Variants in HMGB1 observed in about 807,000 individuals in gnomAD.
HMGB1 encodes the protein high mobility group protein B1.
For missense variants in HMGB1, 79 were observed against 253.5 expected (o/e 0.31, Z 4.67); for synonymous variants, 81 against 84.0 (o/e 0.96, Z 0.19).
intron 3 of HMGB1, among the ~76,000 whole-genome samples, chr13:30,462,984 G>A (rs1384310714): frequency 1.3e-5 from 2 of 152,180 alleles, no homozygotes. Context: ...ATCAAAAGGA[G>A]ATACACTGGG....
intron 1 of HMGB1, among the ~76,000 whole-genome samples, chr13:30,564,769 G>A (rs534736638): frequency 6.6e-6 from 1 of 152,270 alleles, no homozygotes; most frequent in African/African-American, 2.4e-5. Context: ...ATAAACAACT[G>A]TACTCTATGA....
chr13:30,554,037 T>C, intron 1 of HMGB1: 1 of 1,447,888 alleles, frequency 6.9e-7, no homozygotes, highest in Non-Finnish European at 9.7e-7. Flanking sequence ...ATCGGTTAAA[T>C]GTGCGCAGTA....
At chr13:30,472,305 A>T (rs1886963837) in intron 1 of HMGB1, among the ~76,000 whole-genome samples, 1 of 152,132 alleles carries the variant, frequency 6.6e-6, no homozygotes, top group Non-Finnish European at 1.5e-5. Context: ...ACGTAAAAAA[A>T]ATACGACATG....
At chr13:30,505,399 C>T (rs186428049) in intron 1 of HMGB1, among the ~76,000 whole-genome samples, 31 of 151,130 alleles carry the variant, frequency 2.1e-4, no homozygotes, top group Admixed American at 4.6e-4. Context: ...AGGATGGTCT[C>T]CATCTCCTGA....
In HMGB1 at chr13:30,551,898, G is replaced by A. The variant is rs114625584; in HGVS notation, c.-15+64773C>T. ...TTAATATTGTATTTTCTGTAGAGAC[G>A]GGGTCTTGCTCTGTTGCCCAGACTG... is the stretch of plus-strand genomic sequence containing the variant. On this transcript the variant is annotated intron_variant, in intron 1 of 4. Coordinates refer to the HMGB1 transcript ENST00000405805. 4.8e-3 allele frequency among the ~76,000 whole-genome samples: 728 copies of A among 151,946 alleles called. 7 individuals carry two copies. Among genetic ancestry groups the A allele is most frequent in the African/African-American group, 0.015 (622 of 41,442 alleles).
chr13:30,502,920 C>A (rs1015868679), intron 1 of HMGB1, among the ~76,000 whole-genome samples: 12 of 152,106 alleles, frequency 7.9e-5, no homozygotes, highest in African/African-American at 2.9e-4. Flanking sequence ...AAGCAATCCA[C>A]CCATCTCCCA....
At chr13:30,482,396 C>T (rs9506315) in intron 1 of HMGB1, among the ~76,000 whole-genome samples, 141,202 of 152,262 alleles carry the variant, frequency 0.93, 66,437 homozygotes, top group East Asian at 1. Flanking sequence ...GGGCTCAGGC[C>T]GCAAGCGTCT....
chr13:30,507,104 C>G (rs1306421557), intron 1 of HMGB1, among the ~76,000 whole-genome samples: 1 of 152,356 alleles, frequency 6.6e-6, no homozygotes, highest in African/African-American at 2.4e-5. Context: ...CTGAGCCTGA[C>G]TACCACTCCA....
chr13:30,575,729 G>GA (rs1239328325), intron 1 of HMGB1, among the ~76,000 whole-genome samples: 1 of 151,998 alleles, frequency 6.6e-6, no homozygotes, highest in African/African-American at 2.4e-5. Flanking sequence ...TCAATGATAG[G>GA]AAAAAAACAT....
At chr13:30,517,311 G>A (rs1188493831) in intron 1 of HMGB1, among the ~76,000 whole-genome samples, 3 of 152,244 alleles carry the variant, frequency 2.0e-5, no homozygotes, top group Non-Finnish European at 4.4e-5. Context: ...CACTGAGAAT[G>A]CAGTTCTTAT....
rs1005032648 is a variant in HMGB1 at position 30,465,917 on chromosome 13, T to A, written c.-136A>T. 3.0e-6 allele frequency: 3 copies of A among 985,876 alleles called. No homozygotes were observed. The highest frequency in any genetic ancestry group is 3.6e-6 in the Non-Finnish European group (3 of 830,006). The allele number at this position is 985,876 out of a possible 1,614,324, so 61.1% of individuals were successfully genotyped here. On this transcript the variant is annotated 5_prime_UTR_variant, in exon 1 of 5. Transcript: ENST00000341423. ...CGGGAGCCAGACGCAGCCTCCTCACTCTCTCCGCTCTGTAACATTACTCTC... is the reference window on the plus strand; with the variant it reads ...CGGGAGCCAGACGCAGCCTCCTCACACTCTCCGCTCTGTAACATTACTCTC...
intron 1 of HMGB1, among the ~76,000 whole-genome samples, chr13:30,537,816 C>G (rs1347973933): frequency 6.6e-6 from 1 of 151,460 alleles, no homozygotes; most frequent in African/African-American, 2.4e-5. Flanking sequence ...AGATGTAGTT[C>G]TGTTGGACGG....
intron 1 of HMGB1, among the ~76,000 whole-genome samples, chr13:30,517,986 T>C (rs1888138070): frequency 6.6e-6 from 1 of 152,190 alleles, no homozygotes; most frequent in South Asian, 2.1e-4. Context: ...GCTGGCCAAG[T>C]TGACTGTTAG....
At position 30,465,880 on chromosome 13, in the gene HMGB1, T is replaced by C. The variant is rs1313298177; in HGVS notation, c.-99A>G. 1 of 985,830 alleles carries C rather than the reference T, an allele frequency of 1.0e-6. No homozygotes were observed. The highest frequency in any genetic ancestry group is 1.2e-6 in the Non-Finnish European group (1 of 829,888). The allele number at this position is 985,830 out of a possible 1,614,324, so 61.1% of individuals were successfully genotyped here. ...CTCTATGGAGCTCAATGTACTGCAA[T>C]GGCTGTGAGAGCGGGAGCCAGACGC... On this transcript the variant is annotated 5_prime_UTR_variant, in exon 1 of 5. Coordinates refer to ENST00000341423, the MANE Select transcript of HMGB1 (RefSeq NM_002128.7).
At chr13:30,564,372 A>G (rs1870097858) in intron 1 of HMGB1, among the ~76,000 whole-genome samples, 1 of 151,660 alleles carries the variant, frequency 6.6e-6, no homozygotes, top group African/African-American at 2.4e-5. Context: ...AGGCTGAGGC[A>G]CAAGAATCAT....
intron 1 of HMGB1, among the ~76,000 whole-genome samples, chr13:30,556,185 A>C (rs1169973668): frequency 6.6e-6 from 1 of 152,214 alleles, no homozygotes; most frequent in South Asian, 2.1e-4. Flanking sequence ...TGGGCAGATC[A>C]CCTGAGACTG....
At chr13:30,464,123 C>T (rs992559262) in intron 1 of HMGB1, 26 of 968,990 alleles carry the variant, frequency 2.7e-5, no homozygotes, top group African/African-American at 3.9e-5. Flanking sequence ...AGCGAGTCGA[C>T]TCTTCCTAAT....
chr13:30,570,273 C>T (rs776159451), intron 1 of HMGB1, among the ~76,000 whole-genome samples: 2 of 152,062 alleles, frequency 1.3e-5, no homozygotes, highest in South Asian at 2.1e-4. Flanking sequence ...GTCAACATAG[C>T]GAGACCTTTT....
chr13:30,491,939 C>T (rs527388509), intron 1 of HMGB1, among the ~76,000 whole-genome samples: 16 of 151,764 alleles, frequency 1.1e-4, no homozygotes, highest in Middle Eastern at 3.4e-3. Context: ...GAGGCCGAGG[C>T]GGGCAGATCA....
Sources: allele counts gnomAD v4.1 joint callset (sites outside exome capture counted in the v4.1 genomes callset), GRCh38; gene constraint gnomAD v4.1.1; transcripts MANE v1.5; gene names NCBI Gene and HGNC (gene_info 2026-07-23, HGNC 2026-07-21).